Variants in ROR2 observed in about 807,000 individuals in gnomAD.
ROR2 encodes the protein tyrosine-protein kinase transmembrane receptor ROR2.
Under a neutral mutation model 74.9 loss-of-function variants are expected in ROR2, and 33 were observed. The ratio of observed to expected loss-of-function variants is 0.44; its 90% CI spans 0.33 to 0.59. The LOEUF is 0.59. ROR2 is among the 20% of genes least tolerant of loss of function. The pLI, the probability that ROR2 is intolerant of heterozygous loss-of-function variation, is 0.02. For synonymous variants in ROR2, 586 were observed against 558.7 expected (o/e 1.05, Z -0.69); for missense variants, 1,216 against 1,313.8 (o/e 0.93, Z 1.15).
intron 1 of ROR2, among the ~76,000 whole-genome samples, chr9:91,850,174 A>G (rs1423067688): frequency 1.3e-5 from 2 of 152,216 alleles, no homozygotes; most frequent in African/African-American, 4.8e-5. Context: ...GTGGTAATCT[A>G]TACTCCACAG....
intron 7 of ROR2, among the ~76,000 whole-genome samples, chr9:91,729,097 A>AC (rs1837147735): frequency 6.6e-6 from 1 of 152,134 alleles, no homozygotes; most frequent in African/African-American, 2.4e-5. Context: ...TGTAAAAAAA[A>AC]AAAAAAAAGT....
At chr9:91,806,035 C>G (rs1430605058) in intron 1 of ROR2, among the ~76,000 whole-genome samples, 2 of 152,222 alleles carry the variant, frequency 1.3e-5, no homozygotes, top group African/African-American at 4.8e-5. Context: ...AAAAGTACAA[C>G]TGCATACAAT....
chr9:91,921,328 A>G (rs924861243), intron 1 of ROR2, among the ~76,000 whole-genome samples: 1 of 152,264 alleles, frequency 6.6e-6, no homozygotes, highest in Non-Finnish European at 1.5e-5. Context: ...ATTCCAAATT[A>G]AAAGTAATTA....
rs13301615 is a variant in ROR2 at position 91,909,848 on chromosome 9, T to A, written c.97+40019A>T. ...CTTTTTTTTTTTTAGGTTTGTTTTG[T>A]TTTTTTTTTTTTTTTTTTTTTTTAG... On this transcript the variant is annotated intron_variant, in intron 1 of 8. Transcript: ENST00000375708. Among the ~76,000 whole-genome samples the A allele has an allele frequency of 1.3e-3, 39 of 30,068 alleles. 1 individual carries two copies. The highest frequency in any genetic ancestry group is 3.1e-3 in the African/African-American group (37 of 11,906). The allele number at this position is 30,068 out of a possible 152,430, so 19.7% of individuals were successfully genotyped here. A position where few individuals can be genotyped will look rare whatever the true frequency, so the allele number is the denominator to read the frequency against.
intron 1 of ROR2, among the ~76,000 whole-genome samples, chr9:91,824,137 G>C (rs2119157944): frequency 6.6e-6 from 1 of 152,232 alleles, no homozygotes; most frequent in East Asian, 1.9e-4. Context: ...ACAGTTCCCA[G>C]GTAATCATCA....
intron 1 of ROR2, among the ~76,000 whole-genome samples, chr9:91,778,520 T>C (rs1826501026): frequency 6.6e-6 from 1 of 152,218 alleles, no homozygotes; most frequent in South Asian, 2.1e-4. Flanking sequence ...CCTCGTTAGT[T>C]GCCTGGATTT....
At chr9:91,795,494 T>A (rs1352102231) in intron 1 of ROR2, among the ~76,000 whole-genome samples, 1 of 152,250 alleles carries the variant, frequency 6.6e-6, no homozygotes, top group Non-Finnish European at 1.5e-5. Context: ...ATTAGTCACT[T>A]CTAAGCTTTC....
chr9:91,917,735 G>A (rs563620466), intron 1 of ROR2, among the ~76,000 whole-genome samples: 1 of 152,296 alleles, frequency 6.6e-6, no homozygotes, highest in East Asian at 1.9e-4. Flanking sequence ...CACTGGGGTT[G>A]GGGTGCTCAG....
chr9:91,811,427 G>A (rs1361102547), intron 1 of ROR2, among the ~76,000 whole-genome samples: 1 of 152,264 alleles, frequency 6.6e-6, no homozygotes, highest in Non-Finnish European at 1.5e-5. Flanking sequence ...CTCTGAGGAA[G>A]GGGCTGTGTT....
intron 4 of ROR2, among the ~76,000 whole-genome samples, chr9:91,749,549 A>G (rs1278515416): frequency 6.6e-6 from 1 of 152,230 alleles, no homozygotes; most frequent in African/African-American, 2.4e-5. Flanking sequence ...ATTTCAGTCC[A>G]TAGCAGTAGA....
At chr9:91,764,827 T>C (rs1489205343) in intron 2 of ROR2, among the ~76,000 whole-genome samples, 2 of 152,212 alleles carry the variant, frequency 1.3e-5, no homozygotes, top group East Asian at 3.8e-4. Context: ...TCCATGACTT[T>C]CACACGTGAA....
intron 1 of ROR2, among the ~76,000 whole-genome samples, chr9:91,800,140 G>A (rs1379495619): frequency 6.6e-6 from 1 of 152,122 alleles, no homozygotes; most frequent in African/African-American, 2.4e-5. Context: ...TCAGGAGTTC[G>A]AGACCAGTCC....
intron 1 of ROR2, among the ~76,000 whole-genome samples, chr9:91,843,117 G>T (rs183912694): frequency 1.1e-3 from 163 of 152,370 alleles, no homozygotes; most frequent in African/African-American, 3.8e-3. Context: ...GCGCAGGAGG[G>T]AAAGAGCATG....
intron 1 of ROR2, among the ~76,000 whole-genome samples, chr9:91,861,797 G>A (rs1829475750): frequency 6.6e-6 from 1 of 152,144 alleles, no homozygotes; most frequent in African/African-American, 2.4e-5. Flanking sequence ...CATTAAATAA[G>A]TAAAAAGACA....
rs1830111825 is a variant in ROR2 at position 91,881,551 on chromosome 9, C to CCA, written c.97+68315_97+68316insTG. Among the ~76,000 whole-genome samples, 4 of 152,314 alleles carry CCA rather than the reference C, an allele frequency of 2.6e-5. No homozygotes were observed. In the South Asian group the frequency reaches 8.3e-4, roughly 32 times the overall value. On this transcript the variant is annotated intron_variant, in intron 1 of 8. Coordinates refer to ENST00000375708, the MANE Select transcript of ROR2 (RefSeq NM_004560.4). The stretch of plus-strand genomic sequence containing the variant: ...ATCAATGCTGTTAAGTGAAGACTTA[C>CCA]TGTTAGTACTCCTTTTTTGATGGTG...
intron 2 of ROR2, among the ~76,000 whole-genome samples, chr9:91,769,529 T>C (rs1826163099): frequency 6.6e-6 from 1 of 152,134 alleles, no homozygotes; most frequent in African/African-American, 2.4e-5. Context: ...GTGGCCAGAA[T>C]GAAACCCGAG....
intron 1 of ROR2, among the ~76,000 whole-genome samples, chr9:91,836,371 T>A (rs1158298233): frequency 1.3e-5 from 2 of 151,860 alleles, no homozygotes; most frequent in Non-Finnish European, 2.9e-5. Flanking sequence ...GAAACCCCCT[T>A]TCTACTAAAA....
chr9:91,829,301 G>T (rs188988857), intron 1 of ROR2, among the ~76,000 whole-genome samples: 2 of 152,100 alleles, frequency 1.3e-5, no homozygotes, highest in Admixed American at 1.3e-4. Context: ...CTTGCACTTT[G>T]GGAGACTGAG....
At chr9:91,828,747 A>C (rs930327011) in intron 1 of ROR2, among the ~76,000 whole-genome samples, 1 of 152,160 alleles carries the variant, frequency 6.6e-6, no homozygotes, top group African/African-American at 2.4e-5. Context: ...ATATTCTCTT[A>C]AAAATAGTAA....
Sources: gnomAD v4.1 joint callset for allele counts (sites outside exome capture counted in the v4.1 genomes callset) on GRCh38, gnomAD v4.1.1 for gene constraint, MANE v1.5 for transcripts, NCBI Gene and HGNC (gene_info 2026-07-23, HGNC 2026-07-21) for gene names.